The following LRBA variants were observed in gnomAD, a reference collection of about 807,000 sequenced individuals.
LRBA encodes the protein LPS responsive beige-like anchor protein.
In LRBA, 176 loss-of-function variants were observed where a neutral mutation model predicts 330.0. The observed-to-expected ratio is 0.53, with a 90% CI of 0.47 to 0.60. The LOEUF (loss-of-function observed/expected upper bound fraction) is 0.60. Among genes scored for constraint, LRBA ranks in the 20% least tolerant of loss-of-function variants. The pLI, the probability that LRBA is intolerant of heterozygous loss-of-function variation, is 0.00. For missense variants in LRBA, 3,259 were observed against 3,444.8 expected (o/e 0.95, Z 1.35); for synonymous variants, 1,230 against 1,193.0 (o/e 1.03, Z -0.64).
intron 42 of LRBA, among the ~76,000 whole-genome samples, chr4:150,473,665 C>T (rs931131986): frequency 6.6e-6 from 1 of 152,150 alleles, no homozygotes; most frequent in African/African-American, 2.4e-5. Flanking sequence ...CTTAGGCCTT[C>T]AAGCCTTGGG....
At chr4:150,621,483 T>G (rs1261979169) in intron 37 of LRBA, among the ~76,000 whole-genome samples, 1 of 152,186 alleles carries the variant, frequency 6.6e-6, no homozygotes, top group African/African-American at 2.4e-5. Flanking sequence ...AGAGCACTAG[T>G]TAGAACAGCA....
intron 40 of LRBA, among the ~76,000 whole-genome samples, chr4:150,517,089 A>T (rs958716773): frequency 1.3e-5 from 2 of 152,250 alleles, no homozygotes; most frequent in Non-Finnish European, 2.9e-5. Context: ...TTATGGAGTG[A>T]GATAAACAAA....
At chr4:150,476,504 G>A (rs549760893) in intron 42 of LRBA, among the ~76,000 whole-genome samples, 2 of 152,008 alleles carry the variant, frequency 1.3e-5, no homozygotes, top group South Asian at 4.2e-4. Context: ...AAGGAGCATG[G>A]AATCAAAAAA....
intron 17 of LRBA, among the ~76,000 whole-genome samples, chr4:150,891,278 T>C (rs1729431823): frequency 6.6e-6 from 1 of 152,194 alleles, no homozygotes; most frequent in African/African-American, 2.4e-5. Flanking sequence ...TTGTTCAAAG[T>C]AATAATTATT....
At chr4:150,722,284 T>C (rs556611394) in intron 36 of LRBA, among the ~76,000 whole-genome samples, 7 of 152,292 alleles carry the variant, frequency 4.6e-5, no homozygotes, top group African/African-American at 1.4e-4. Context: ...GGAAGAACTT[T>C]AAGTTTACAA....
intron 40 of LRBA, among the ~76,000 whole-genome samples, chr4:150,544,864 A>C (rs565912112): frequency 4.6e-5 from 7 of 152,230 alleles, no homozygotes; most frequent in Non-Finnish European, 1.0e-4. Context: ...TATGAATATA[A>C]AATGTTCTGA....
At chr4:150,656,122 T>C (rs764964678) in intron 37 of LRBA, among the ~76,000 whole-genome samples, 2 of 152,238 alleles carry the variant, frequency 1.3e-5, no homozygotes, top group Non-Finnish European at 2.9e-5. Context: ...TTGCACTCCA[T>C]ACCACTCATC....
At chr4:150,489,395 ATATAT>A (rs1305684799) in intron 41 of LRBA, among the ~76,000 whole-genome samples, 1 of 64,516 alleles carries the variant, frequency 1.6e-5, no homozygotes, top group South Asian at 5.5e-4. Flanking sequence ...AGAATATAAA[ATATAT>A]TATATATAAG....
intron 40 of LRBA, among the ~76,000 whole-genome samples, chr4:150,573,651 C>T (rs960633058): frequency 1.1e-4 from 16 of 152,084 alleles, no homozygotes; most frequent in Non-Finnish European, 1.6e-4. Flanking sequence ...TAAGTTATCA[C>T]GTAAGTGAAA....
intron 50 of LRBA, among the ~76,000 whole-genome samples, chr4:150,316,123 T>A (rs929442707): frequency 1.3e-5 from 2 of 152,156 alleles, no homozygotes; most frequent in Non-Finnish European, 2.9e-5. Context: ...AATTGAAAGT[T>A]TGAATAAAAA....
At chr4:150,482,080 G>T (rs1472648972) in intron 42 of LRBA, among the ~76,000 whole-genome samples, 3 of 151,892 alleles carry the variant, frequency 2.0e-5, no homozygotes, top group Non-Finnish European at 4.4e-5. Context: ...ATTATTTTTA[G>T]GTGTACAATA....
intron 56 of LRBA, among the ~76,000 whole-genome samples, chr4:150,268,697 A>G (rs1745678259): frequency 6.6e-6 from 1 of 152,244 alleles, no homozygotes; most frequent in Non-Finnish European, 1.5e-5. Flanking sequence ...TTGACATGTG[A>G]CAAAATTCAT....
chr4:150,361,787 T>C (rs1340246883), intron 47 of LRBA, among the ~76,000 whole-genome samples: 2 of 151,632 alleles, frequency 1.3e-5, no homozygotes, highest in African/African-American at 2.4e-5. Context: ...TTTTTTTTTT[T>C]TGAGACGGAG....
At position 150,583,239 on chromosome 4, in the gene LRBA, G is replaced by A. The variant is rs1247077704; in HGVS notation, c.6330+4809C>T. ...GCTACGAGGGGCTCGAGGTCATTTC[G>A]CCCACCGAATTTGAGGTGGTGCTCT... On this transcript the variant is annotated intron_variant, in intron 40 of 56. Coordinates refer to ENST00000651943, the MANE Select transcript of LRBA (RefSeq NM_001364905.1). The surrounding 1 kb of genome is among the most constrained non-coding windows in gnomAD (Gnocchi z 9.8). The A allele has an allele frequency of 6.2e-7, 1 of 1,614,172 alleles. No homozygotes were observed. The highest frequency in any genetic ancestry group is 8.5e-7 in the Non-Finnish European group (1 of 1,180,034).
At chr4:150,522,203 T>A (rs1475227292) in intron 40 of LRBA, among the ~76,000 whole-genome samples, 1 of 152,062 alleles carries the variant, frequency 6.6e-6, no homozygotes, top group Non-Finnish European at 1.5e-5. Flanking sequence ...ACACAAAACC[T>A]GCCAGTGCCT....
At chr4:150,897,587 G>T in intron 15 of LRBA, 152 bp downstream of exon 15, 1 of 578,436 alleles carries the variant, frequency 1.7e-6, no homozygotes, top group Non-Finnish European at 3.1e-6. Context: ...CTCCAAAAAA[G>T]AACCAAAACA....
rs1219907740 is a variant in LRBA, at chr4:150,496,729, AT to A, written c.6331-5695del. Among the ~76,000 whole-genome samples, 12 of 152,200 alleles carry A rather than the reference AT, an allele frequency of 7.9e-5. No homozygotes were observed. In the East Asian group the frequency reaches 2.3e-3, roughly 29 times the overall value. On this transcript the variant is annotated intron_variant, in intron 40 of 56. Transcript: ENST00000651943. ...TATAGTAATTTTATTTTTTCAGACA[AT>A]TCCAGATTTCTGAAGATTTTGGTGT... is the stretch of plus-strand genomic sequence containing the variant.
At chr4:150,783,207 T>A (rs909166747) in intron 34 of LRBA, among the ~76,000 whole-genome samples, 1 of 152,194 alleles carries the variant, frequency 6.6e-6, no homozygotes, top group African/African-American at 2.4e-5. Context: ...AAGTTCTCCC[T>A]CATTATTTTA....
chr4:150,850,016 T>C (rs745430442), intron 24 of LRBA, among the ~76,000 whole-genome samples: 39 of 151,692 alleles, frequency 2.6e-4, no homozygotes, highest in Non-Finnish European at 4.0e-4. Flanking sequence ...TCATAAATCA[T>C]ACAATGGGGG....
Sources: gnomAD v4.1 joint callset for allele counts (sites outside exome capture counted in the v4.1 genomes callset) on GRCh38, gnomAD v4.1.1 for gene constraint, Gnocchi (gnomAD v3.1) non-coding constraint, MANE v1.5 for transcripts, NCBI Gene and HGNC (gene_info 2026-07-23, HGNC 2026-07-21) for gene names.